Variants in RUFY3 observed in about 807,000 individuals in gnomAD.
The protein encoded by RUFY3 is RUN and FYVE domain containing 3, also known as protein RUFY3.
A neutral mutation model predicts 84.0 loss-of-function variants in RUFY3; 34 were observed. The ratio of observed to expected loss-of-function variants is 0.40; its 90% confidence interval spans 0.31 to 0.54. The LOEUF is 0.54. RUFY3 is among the 20% of genes least tolerant of loss of function. The pLI is 0.39. For missense variants in RUFY3, 507 were observed against 736.8 expected (o/e 0.69, Z 3.61); for synonymous variants, 242 against 252.9 (o/e 0.96, Z 0.41).
At chr4:70,704,193 A>T (rs1341087527), upstream of RUFY3, 1 of 152,256 alleles carries the variant, frequency 6.6e-6, no homozygotes, top group Non-Finnish European at 1.5e-5. Context: ...CCAGGGAATT[A>T]AAGTCAAAGC....
chr4:70,734,496 TAC>T, intron 1 of RUFY3: 16 of 985,404 alleles, frequency 1.6e-5, no homozygotes, highest in Non-Finnish European at 1.9e-5. Flanking sequence ...TAGCTTTTAA[TAC>T]AGTCTCAGAA....
chr4:70,743,485 A>G (rs1167169964), intron 1 of RUFY3, among the ~76,000 whole-genome samples: 1 of 152,150 alleles, frequency 6.6e-6, no homozygotes, highest in Non-Finnish European at 1.5e-5. Context: ...CCTTCTTGAG[A>G]ACTTTACCAT....
rs1048636145 is a variant in RUFY3 at position 70,704,861 on chromosome 4, C to T, written c.-76C>T. 4.1e-6 allele frequency: 4 copies of T among 977,464 alleles called. No homozygotes were observed. The African/African-American group carries it at 5.1e-5, about 13-fold the overall frequency. The allele number at this position is 977,464 out of a possible 1,614,324, so 60.5% of individuals were successfully genotyped here. On this transcript the variant is annotated 5_prime_UTR_variant, in exon 1 of 12. Transcript: ENST00000417478. ...CGCAGCGGACGGGACGGGGCGGCGG[C>T]TCCTCGCCCTGACCCTCTGCTCCCC...
At chr4:70,785,708 G>A (rs1729678332) in intron 10 of RUFY3, among the ~76,000 whole-genome samples, 1 of 151,708 alleles carries the variant, frequency 6.6e-6, no homozygotes, top group African/African-American at 2.4e-5. Flanking sequence ...ATGGTGGCAT[G>A]CACCTGTAAT....
At position 70,775,203 on chromosome 4, in the gene RUFY3, A is replaced by G; in HGVS notation, c.794A>G (p.Asn265Ser). ...ATTACTGCAATTCTGGACCAGAAGA[A>G]CTATGTAGAAGAACTGAACAGACAT... ...GQITAILDQK[N>S]YVEELNRHLN... Residue 265 changes from asparagine (N) to serine (S), a missense_variant, in exon 7 of 18, where the codon AAC becomes AGC. Around this residue, in one of 4 missense-constraint regions of RUFY3, gnomAD observed 17 missense variants for 54.7 expected, o/e 0.31. Coordinates refer to ENST00000381006, the MANE Select transcript of RUFY3 (RefSeq NM_001037442.4). 1 of 1,600,778 alleles carries G rather than the reference A, an allele frequency of 6.2e-7. No individual in the cohort carries two copies. Among genetic ancestry groups the G allele is most frequent in the Non-Finnish European group, 8.5e-7 (1 of 1,171,148 alleles).
chr4:70,803,920 A>T (rs1201649913), intron 16 of RUFY3, among the ~76,000 whole-genome samples: 2 of 149,980 alleles, frequency 1.3e-5, no homozygotes, highest in East Asian at 3.9e-4. Context: ...TTTTTGGTAG[A>T]GATGGAGTTT....
chr4:70,770,587 T>C (rs1726787868), intron 5 of RUFY3, among the ~76,000 whole-genome samples: 1 of 152,222 alleles, frequency 6.6e-6, no homozygotes, highest in Non-Finnish European at 1.5e-5. Context: ...CATTAGGGCC[T>C]TGCTCTGAAT....
intron 11 of RUFY3, among the ~76,000 whole-genome samples, chr4:70,789,207 T>C (rs1730412679): frequency 6.6e-6 from 1 of 152,216 alleles, no homozygotes; most frequent in Non-Finnish European, 1.5e-5. Flanking sequence ...GGGTCTTTTT[T>C]ATCCTATAGG....
chr4:70,708,039 C>T (rs1389205202), intron 1 of RUFY3, among the ~76,000 whole-genome samples: 1 of 152,192 alleles, frequency 6.6e-6, no homozygotes, highest in Non-Finnish European at 1.5e-5. Context: ...TGAAGGATCA[C>T]TTGAGTCCAG....
intron 7 of RUFY3, among the ~76,000 whole-genome samples, 170 bp from the exon 8 acceptor site, chr4:70,778,199 C>T (rs1728283356): frequency 6.6e-6 from 1 of 152,018 alleles, no homozygotes; most frequent in Non-Finnish European, 1.5e-5. Context: ...CGCACCACTG[C>T]ACTCCAGTCT....
chr4:70,744,652 G>GA (rs1412708861), intron 1 of RUFY3, among the ~76,000 whole-genome samples: 2 of 138,860 alleles, frequency 1.4e-5, no homozygotes, highest in Non-Finnish European at 3.1e-5. Flanking sequence ...TTCTTATTTT[G>GA]AATTTTTTTT....
At chr4:70,720,367 A>G (rs996458928), upstream of RUFY3, among the ~76,000 whole-genome samples, 4 of 152,170 alleles carry the variant, frequency 2.6e-5, no homozygotes, top group Admixed American at 2.0e-4. Flanking sequence ...TATTTTTAGT[A>G]GAGATGAGGT....
intron 1 of RUFY3, among the ~76,000 whole-genome samples, chr4:70,743,272 A>T (rs949346643): frequency 2.0e-5 from 3 of 151,960 alleles, no homozygotes; most frequent in Admixed American, 6.6e-5. Context: ...GGGTTTCAAC[A>T]TGTTGGCCAG....
In RUFY3 at chr4:70,794,851, G is replaced by A. The variant is rs965831165; in HGVS notation, c.1514G>A (p.Arg505Lys). The A allele has an allele frequency of 6.2e-6, 10 of 1,613,078 alleles. No homozygotes were observed. Among genetic ancestry groups the A allele is most frequent in the Non-Finnish European group, 8.5e-6 (10 of 1,179,452 alleles). The change falls in exon 14 of 18, where the codon AGG becomes AAG. Residue 505 changes from arginine (R) to lysine (K), a missense_variant. Arg to Lys is a conservative substitution (Grantham distance 26). Around this residue, in one of 4 missense-constraint regions of RUFY3, gnomAD observed 334 missense variants for 364.1 expected, o/e 0.92. Transcript: ENST00000381006. ...AAAGAAAGAAGATTACAAAACGACAGGAGCATCCCAGGAAGGGGTTCCCAG... is the reference window on the plus strand; with the variant it reads ...AAAGAAAGAAGATTACAAAACGACAAGAGCATCCCAGGAAGGGGTTCCCAG... Reference protein sequence around the residue: ...QEKERRLQNDRSIPGRGSQKS... With the variant: ...QEKERRLQNDKSIPGRGSQKS...
chr4:70,786,452 TTTA>T (rs1729831618), intron 10 of RUFY3, among the ~76,000 whole-genome samples: 1 of 152,016 alleles, frequency 6.6e-6, no homozygotes, highest in Non-Finnish European at 1.5e-5. Context: ...CATATGATAA[TTTA>T]ATATACTCAT....
intron 4 of RUFY3, among the ~76,000 whole-genome samples, chr4:70,767,406 G>A (rs115938250): frequency 0.01 from 1,573 of 150,644 alleles, 25 homozygotes; most frequent in South Asian, 0.057. Flanking sequence ...CACTGCGCCT[G>A]GCGATAGCTC....
chr4:70,775,273 T>C, intron 7 of RUFY3, 40 bp downstream of exon 7: 1 of 1,339,072 alleles, frequency 7.5e-7, no homozygotes, highest in Non-Finnish European at 1.1e-6. Flanking sequence ...TGGGGAATTG[T>C]TGAAGGAGAA....
At chr4:70,721,884 A>G (rs888783512), upstream of RUFY3, 42 of 1,230,720 alleles carry the variant, frequency 3.4e-5, no homozygotes, top group Non-Finnish European at 3.9e-5. Flanking sequence ...TCCCAGCATC[A>G]GCAGCATCTA....
chr4:70,776,891 C>T (rs1253553459), intron 7 of RUFY3, among the ~76,000 whole-genome samples: 1 of 152,216 alleles, frequency 6.6e-6, no homozygotes. Context: ...GGCCACTGTC[C>T]TTACGACAAT....
Sources: gnomAD v4.1 joint callset for allele counts (sites outside exome capture counted in the v4.1 genomes callset) on GRCh38, gnomAD v4.1.1 for gene constraint, gnomAD v4.1.1 regional missense constraint, MANE v1.5 for transcripts, NCBI Gene and HGNC (gene_info 2026-07-23, HGNC 2026-07-21) for gene names.